NCKAP5: variants seen among roughly 807,000 people sequenced by gnomAD.
NCKAP5 encodes NCK associated protein 5, also known as nck-associated protein 5.
In NCKAP5, 92 loss-of-function variants were observed where a neutral mutation model predicts 167.0. The ratio of observed to expected loss-of-function variants is 0.55; its 90% CI spans 0.47 to 0.66. The LOEUF is 0.66. Ranked by LOEUF, NCKAP5 falls within the 30% of genes least tolerant of loss-of-function variation. NCKAP5 has a pLI of 0.00. For synonymous variants in NCKAP5, 891 were observed against 877.4 expected (o/e 1.02, Z -0.27); for missense variants, 2,378 against 2,315.0 (o/e 1.03, Z -0.56).
intron 7 of NCKAP5, among the ~76,000 whole-genome samples, chr2:132,993,773 C>T (rs2077512200): frequency 6.6e-6 from 1 of 152,192 alleles, no homozygotes; most frequent in South Asian, 2.1e-4. Context: ...ACACCTCTGG[C>T]AAGTATTTAT....
At chr2:133,631,670 T>C in the NCKAP5 span, among the ~76,000 whole-genome samples, 22 of 152,228 alleles carry the variant, frequency 1.4e-4, no homozygotes, top group Non-Finnish European at 2.8e-4. Flanking sequence ...TAACTTAGAC[T>C]TTGGAAAATG....
intron 16 of NCKAP5, among the ~76,000 whole-genome samples, chr2:132,758,198 G>C (rs1337171453): frequency 3.3e-5 from 5 of 152,130 alleles, no homozygotes; most frequent in Admixed American, 3.3e-4. Context: ...GCTTTCCTTT[G>C]TGTGGGGGCA....
the NCKAP5 span, among the ~76,000 whole-genome samples, chr2:133,654,351 C>A: frequency 6.6e-6 from 1 of 151,122 alleles, no homozygotes; most frequent in Non-Finnish European, 1.5e-5. Flanking sequence ...GCACTCCAGC[C>A]TGGTTGACAA....
chr2:132,899,540 C>T (rs568982739), intron 8 of NCKAP5, among the ~76,000 whole-genome samples: 1 of 152,382 alleles, frequency 6.6e-6, no homozygotes, highest in African/African-American at 2.4e-5. Flanking sequence ...TTTGACATGT[C>T]TTCCTCACTA....
chr2:133,250,421 G>C (rs562268001), intron 4 of NCKAP5, among the ~76,000 whole-genome samples: 12 of 152,042 alleles, frequency 7.9e-5, no homozygotes, highest in Non-Finnish European at 1.6e-4. Context: ...CAGCATGCAG[G>C]TGTGGTTCCT....
chr2:133,339,503 C>A (rs1423968040), intron 3 of NCKAP5, among the ~76,000 whole-genome samples: 1 of 152,040 alleles, frequency 6.6e-6, no homozygotes, highest in Non-Finnish European at 1.5e-5. Flanking sequence ...TGAAAGGGAC[C>A]TAATTGAACA....
chr2:133,009,427 AT>A (rs2078077273), intron 6 of NCKAP5, among the ~76,000 whole-genome samples: 1 of 152,128 alleles, frequency 6.6e-6, no homozygotes, highest in South Asian at 2.1e-4. Flanking sequence ...GGAGCTATAT[AT>A]TGATTTACCT....
intron 8 of NCKAP5, among the ~76,000 whole-genome samples, chr2:132,919,813 A>T (rs908787753): frequency 6.6e-6 from 1 of 152,208 alleles, no homozygotes; most frequent in African/African-American, 2.4e-5. Flanking sequence ...GCTTATATGA[A>T]ATATAGAAAT....
intron 19 of NCKAP5, among the ~76,000 whole-genome samples, chr2:132,723,779 T>C (rs1337349607): frequency 3.9e-5 from 6 of 152,176 alleles, no homozygotes; most frequent in Non-Finnish European, 8.8e-5. Flanking sequence ...GTCCAAGCTA[T>C]CAACATCTCT....
chr2:133,588,266 CCTCCCTCCCTCCCTCT>C, the NCKAP5 span, among the ~76,000 whole-genome samples: 1 of 115,370 alleles, frequency 8.7e-6, no homozygotes, highest in Non-Finnish European at 1.8e-5. Flanking sequence ...CTTTTTCCTC[CCTCCCTCCCTCCCTCT>C]CTCCCTACCT....
In NCKAP5 at chr2:133,179,230, T is replaced by TC. The variant is rs1294685254; in HGVS notation, c.207+34485_207+34486insG. 3.6e-4 allele frequency among the ~76,000 whole-genome samples: 54 copies of TC among 150,802 alleles called. 1 individual carries two copies. Among genetic ancestry groups the TC allele is most frequent in the African/African-American group, 1.3e-3 (52 of 40,980 alleles). On this transcript the variant is annotated intron_variant, in intron 5 of 19. Coordinates refer to ENST00000409261, the MANE Select transcript of NCKAP5 (RefSeq NM_207363.3). ...CTTGGAACCAGAATTGTTTCAGATT[T>TC]GGTTTTTTTTTTTTTTTGGATTTTG...
chr2:132,868,983 A>T lies in NCKAP5; in HGVS notation c.649-9T>A, dbSNP rs1425152010. 4.6e-6 allele frequency: 7 copies of T among 1,532,228 alleles called. No individual in the cohort carries two copies. Among genetic ancestry groups the T allele is most frequent in the South Asian group, 1.2e-5 (1 of 80,840 alleles). 94.9% of individuals were successfully genotyped at this position (1,532,228 alleles called of 1,614,324 possible). On this transcript the variant is annotated splice_polypyrimidine_tract_variant and intron_variant, in intron 9 of 19. Coordinates refer to ENST00000409261, the MANE Select transcript of NCKAP5 (RefSeq NM_207363.3). The stretch of plus-strand genomic sequence containing the variant: ...ACAACTTGGTTGGCTACCTTTAAAA[A>T]ATAAAGAAAAAGTTGTCATTTATAA...
chr2:133,289,103 A>C (rs1033926877), intron 4 of NCKAP5, among the ~76,000 whole-genome samples: 3 of 152,132 alleles, frequency 2.0e-5, no homozygotes. Flanking sequence ...AAAACTTAGC[A>C]ATGGTATGAC....
At chr2:133,121,449 A>T (rs1465324126) in intron 6 of NCKAP5, among the ~76,000 whole-genome samples, 1 of 152,150 alleles carries the variant, frequency 6.6e-6, no homozygotes, top group African/African-American at 2.4e-5. Flanking sequence ...AGGTACCCAG[A>T]TGGGATTCTG....
intron 2 of NCKAP5, among the ~76,000 whole-genome samples, chr2:133,540,979 A>C (rs557913017): frequency 6.6e-6 from 1 of 150,584 alleles, no homozygotes; most frequent in African/African-American, 2.4e-5. Context: ...AGTGGGTTTC[A>C]ATGGGTAAGG....
intron 17 of NCKAP5, 142 bp downstream of exon 17, chr2:132,731,595 C>G: frequency 1.2e-6 from 1 of 822,792 alleles, no homozygotes; most frequent in Non-Finnish European, 1.9e-6. Flanking sequence ...CATTGTTTTG[C>G]TTGTTGGTGA....
intron 6 of NCKAP5, among the ~76,000 whole-genome samples, chr2:133,046,866 G>A (rs1460262426): frequency 6.6e-6 from 1 of 152,170 alleles, no homozygotes. Flanking sequence ...ATAAGGGGTC[G>A]AGAGAACAGG....
chr2:133,242,636 A>G (rs1304432684), intron 4 of NCKAP5, among the ~76,000 whole-genome samples: 1 of 152,354 alleles, frequency 6.6e-6, no homozygotes, highest in East Asian at 1.9e-4. Flanking sequence ...TACTGCATGC[A>G]ATATCATCAG....
chr2:133,432,262 G>C (rs1166702483), intron 3 of NCKAP5, among the ~76,000 whole-genome samples: 1 of 152,120 alleles, frequency 6.6e-6, no homozygotes, highest in Non-Finnish European at 1.5e-5. Flanking sequence ...AATAAAAATT[G>C]CTCATTCATT....
Sources: gnomAD v4.1 joint callset for allele counts (sites outside exome capture counted in the v4.1 genomes callset) on GRCh38, gnomAD v4.1.1 for gene constraint, MANE v1.5 for transcripts, NCBI Gene and HGNC (gene_info 2026-07-23, HGNC 2026-07-21) for gene names.